RANBP2: variants seen among roughly 807,000 people sequenced by gnomAD.
The protein encoded by RANBP2 is RAN binding protein 2.
Under a neutral mutation model 303.6 loss-of-function variants are expected in RANBP2, and 57 were observed. That is an observed-to-expected ratio of 0.19 (90% CI 0.15 to 0.23). The LOEUF is 0.23. Among genes scored for constraint, RANBP2 ranks in the 10% least tolerant of loss-of-function variants. The probability of loss-of-function intolerance (pLI) is 1.00; values close to 1 mark genes in which losing one functional copy is unlikely to be tolerated. For synonymous variants in RANBP2, 1,167 were observed against 1,301.5 expected, an observed-to-expected ratio of 0.90 and a Z score of 2.23; for missense variants, 3,138 against 3,780.8, an observed-to-expected ratio of 0.83 and a Z score of 4.46.
the RANBP2 span, among the ~76,000 whole-genome samples, chr2:109,576,316 C>T: frequency 6.6e-6 from 1 of 151,964 alleles, no homozygotes; most frequent in African/African-American, 2.4e-5. Context: ...CCGGGCTGGT[C>T]TTGAACTCCT....
At chr2:109,296,120 T>G in the RANBP2 span, among the ~76,000 whole-genome samples, 1 of 152,158 alleles carries the variant, frequency 6.6e-6, no homozygotes, top group Non-Finnish European at 1.5e-5. Flanking sequence ...TTCACTGTTC[T>G]CTACGTCTGT....
At chr2:108,913,132 G>A in the RANBP2 span, among the ~76,000 whole-genome samples, 2 of 151,990 alleles carry the variant, frequency 1.3e-5, no homozygotes, top group African/African-American at 4.8e-5. Context: ...TGTATTTTTA[G>A]TAGAGACGGG....
the RANBP2 span, among the ~76,000 whole-genome samples, chr2:109,401,481 G>T: frequency 6.8e-6 from 1 of 146,364 alleles, no homozygotes; most frequent in Non-Finnish European, 1.5e-5. Context: ...ACCAGCCAGA[G>T]ATGGCCCTGG....
the RANBP2 span, among the ~76,000 whole-genome samples, chr2:108,815,475 T>TG: frequency 2.2e-5 from 3 of 138,690 alleles, no homozygotes; most frequent in African/African-American, 8.5e-5. Flanking sequence ...TTTTTTTTTT[T>TG]TTTTTTTTTG....
chr2:109,086,325 C>G, the RANBP2 span, among the ~76,000 whole-genome samples: 1 of 152,192 alleles, frequency 6.6e-6, no homozygotes, highest in Non-Finnish European at 1.5e-5. Context: ...ATTGAAGGAG[C>G]TCCTGGAACT....
the RANBP2 span, among the ~76,000 whole-genome samples, chr2:109,624,917 C>G: frequency 1.3e-5 from 2 of 151,682 alleles, no homozygotes; most frequent in Non-Finnish European, 2.9e-5. Flanking sequence ...CCCGTCTCTA[C>G]TAAAAATACA....
chr2:109,469,386 A>T, the RANBP2 span, among the ~76,000 whole-genome samples: 121 of 152,238 alleles, frequency 7.9e-4, 2 homozygotes, highest in East Asian at 1.2e-3. Flanking sequence ...TTGGGGCCAG[A>T]ACTGCCTGCC....
At chr2:108,747,362 A>C (rs1696595003) in intron 8 of RANBP2, among the ~76,000 whole-genome samples, 1 of 152,258 alleles carries the variant, frequency 6.6e-6, no homozygotes, top group African/African-American at 2.4e-5. Context: ...TGAATCAAGC[A>C]GTGAACTGAA....
the RANBP2 span, among the ~76,000 whole-genome samples, chr2:109,730,850 G>A: frequency 9.1e-4 from 129 of 141,912 alleles, no homozygotes; most frequent in African/African-American, 3.2e-3. Context: ...GTGCAGTGGC[G>A]CAATCTCAGC....
the RANBP2 span, among the ~76,000 whole-genome samples, chr2:109,515,693 A>G: frequency 6.6e-6 from 1 of 152,196 alleles, no homozygotes; most frequent in Non-Finnish European, 1.5e-5. Context: ...TTTATCAAGA[A>G]AAAAGGTTTA....
the RANBP2 span, among the ~76,000 whole-genome samples, chr2:109,603,496 C>T: frequency 6.6e-6 from 1 of 152,090 alleles, no homozygotes; most frequent in African/African-American, 2.4e-5. Flanking sequence ...GCCTCAGCCT[C>T]CCAAAGAGCT....
At chr2:108,922,895 C>T in the RANBP2 span, among the ~76,000 whole-genome samples, 232 of 152,330 alleles carry the variant, frequency 1.5e-3, no homozygotes, top group African/African-American at 3.6e-3. Flanking sequence ...GGATTATAAA[C>T]TCCTGAGACT....
rs1178166510 is a variant in RANBP2, at chr2:108,765,091, C to T, written c.4552C>T (p.Pro1518Ser). 6.2e-7 allele frequency: 1 copy of T among 1,613,998 alleles called. No individual in the cohort carries two copies. Among genetic ancestry groups the T allele is most frequent in the Non-Finnish European group, 8.5e-7 (1 of 1,179,962 alleles). ...QSLPATSIPT[P>S]ASFKFGTSET... is the part of the protein sequence containing the mutation. ...TCTACCTGCTACTTCTATTCCAACA[C>T]CTGCCTCTTTTAAGTTTGGTACTTC... The change falls in exon 20 of 29, where the codon CCT becomes TCT. Residue 1518 changes from proline (P) to serine (S), a missense_variant. Physicochemically the swap from Pro to Ser is moderately conservative, Grantham distance 74. Coordinates refer to ENST00000283195, the MANE Select transcript of RANBP2 (RefSeq NM_006267.5).
the RANBP2 span, among the ~76,000 whole-genome samples, chr2:109,495,513 A>C: frequency 1.7e-5 from 1 of 58,784 alleles, no homozygotes; most frequent in South Asian, 5.7e-4. Context: ...TTTTTTTGAG[A>C]CAAAGTCTCA....
At chr2:109,111,696 T>A in the RANBP2 span, among the ~76,000 whole-genome samples, 1 of 151,570 alleles carries the variant, frequency 6.6e-6, no homozygotes, top group South Asian at 2.1e-4. Context: ...GTTAGTTACA[T>A]ATGTATACAT....
At chr2:109,714,966 G>C in the RANBP2 span, among the ~76,000 whole-genome samples, 5 of 140,444 alleles carry the variant, frequency 3.6e-5, no homozygotes, top group Non-Finnish European at 7.8e-5. Flanking sequence ...GTTTTTTTTG[G>C]GGGGGTGGGG....
At chr2:109,738,216 T>C in the RANBP2 span, among the ~76,000 whole-genome samples, 2 of 152,114 alleles carry the variant, frequency 1.3e-5, no homozygotes, top group Non-Finnish European at 2.9e-5. Context: ...GTTTTGCATT[T>C]AAGTTTGTAA....
At chr2:108,896,317 A>G in the RANBP2 span, 1 of 154,488 alleles carries the variant, frequency 6.5e-6, no homozygotes, top group Non-Finnish European at 1.4e-5. Flanking sequence ...CTGAAATAAT[A>G]CCTGGAGCAG....
chr2:108,996,912 A>G, the RANBP2 span, among the ~76,000 whole-genome samples: 3 of 152,136 alleles, frequency 2.0e-5, no homozygotes, highest in African/African-American at 7.2e-5. Flanking sequence ...AAAGGCTTGG[A>G]TGAGCACATG....
Sources: gnomAD v4.1 joint callset for allele counts (sites outside exome capture counted in the v4.1 genomes callset) on GRCh38, gnomAD v4.1.1 for gene constraint, MANE v1.5 for transcripts, NCBI Gene and HGNC (gene_info 2026-07-23, HGNC 2026-07-21) for gene names.